The following PCDHA2 variants were observed in gnomAD, a reference collection of about 807,000 sequenced individuals.
The protein encoded by PCDHA2 is protocadherin alpha-2.
PCDHA2 carries 58 observed loss-of-function variants against 66.0 expected under a neutral mutation model. That is an observed-to-expected ratio of 0.88 (90% CI 0.71 to 1.09). The LOEUF (loss-of-function observed/expected upper bound fraction) is 1.09, where lower values mean the gene tolerates loss of function less well. Ranked by LOEUF, PCDHA2 falls within the 50% of genes least tolerant of loss-of-function variation. The pLI is 0.00. For synonymous variants in PCDHA2, 634 were observed against 554.0 expected, an observed-to-expected ratio of 1.14 and a Z score of -2.03; for missense variants, 1,267 against 1,242.3, an observed-to-expected ratio of 1.02 and a Z score of -0.30.
At chr5:140,801,617 GTT>G in intron 1 of PCDHA2, 1 of 1,614,148 alleles carries the variant, frequency 6.2e-7, no homozygotes, top group East Asian at 2.2e-5. Flanking sequence ...TAAAGAATCT[GTT>G]TATTTCCGAA....
intron 3 of PCDHA2, among the ~76,000 whole-genome samples, chr5:140,996,730 A>G (rs1271920339): frequency 2.6e-5 from 4 of 152,228 alleles, no homozygotes; most frequent in African/African-American, 9.6e-5. Context: ...AGAAGAAACA[A>G]AAGTCATAAC....
chr5:140,822,418 G>C, intron 1 of PCDHA2: 1 of 1,614,068 alleles, frequency 6.2e-7, no homozygotes, highest in South Asian at 1.1e-5. Flanking sequence ...GATTGCAACT[G>C]ATGGAGGAAA....
chr5:140,811,132 A>G (rs1235469619), intron 1 of PCDHA2: 6 of 152,110 alleles, frequency 3.9e-5, no homozygotes, highest in Admixed American at 3.3e-4. Context: ...TACATTAGGT[A>G]TTTCTCCTAA....
intron 1 of PCDHA2, chr5:140,808,431 G>A (rs1554124539): frequency 6.2e-7 from 1 of 1,614,140 alleles, no homozygotes; most frequent in South Asian, 1.1e-5. Flanking sequence ...GCCCTGGACC[G>A]CGAGAGCGTG....
chr5:140,855,635 T>G (rs1281474999), intron 1 of PCDHA2, among the ~76,000 whole-genome samples: 4 of 149,818 alleles, frequency 2.7e-5, no homozygotes, highest in African/African-American at 7.4e-5. Flanking sequence ...ATTCGGCTAT[T>G]GATAATCATG....
At chr5:140,986,458 A>G (rs1199378141) in intron 3 of PCDHA2, among the ~76,000 whole-genome samples, 1 of 152,166 alleles carries the variant, frequency 6.6e-6, no homozygotes, top group Admixed American at 6.5e-5. Flanking sequence ...GTTTTAATGA[A>G]TGCCCTCTTG....
chr5:140,871,309 C>G (rs1554165416), intron 1 of PCDHA2: 1 of 1,614,028 alleles, frequency 6.2e-7, no homozygotes. Flanking sequence ...GCCGGGGAAG[C>G]CCACGCTGGT....
chr5:140,843,136 G>T (rs1554139779), intron 1 of PCDHA2: 3 of 1,596,026 alleles, frequency 1.9e-6, no homozygotes, highest in Non-Finnish European at 2.6e-6. Context: ...GCTACAACGC[G>T]TGGCTTTCGT....
chr5:140,831,988 G>T (rs1771788982), intron 1 of PCDHA2, among the ~76,000 whole-genome samples: 1 of 152,168 alleles, frequency 6.6e-6, no homozygotes, highest in Admixed American at 6.6e-5. Flanking sequence ...TCTCATTACG[G>T]ATTCCATATT....
intron 1 of PCDHA2, among the ~76,000 whole-genome samples, chr5:140,975,611 A>C (rs191363875): frequency 7.0e-4 from 106 of 152,356 alleles, no homozygotes; most frequent in African/African-American, 2.4e-3. Flanking sequence ...GATGTCTTCC[A>C]CATGGATTTC....
intron 3 of PCDHA2, among the ~76,000 whole-genome samples, chr5:140,997,668 T>TTGTGTG (rs35184029): frequency 3.8e-4 from 56 of 148,342 alleles, no homozygotes; most frequent in African/African-American, 8.5e-4. Context: ...ATTATACAGC[T>TTGTGTG]TGTGTGTGTG....
At chr5:140,799,272 A>T (rs1719068455) in intron 1 of PCDHA2, among the ~76,000 whole-genome samples, 1 of 152,098 alleles carries the variant, frequency 6.6e-6, no homozygotes. Flanking sequence ...CTCTGCTATA[A>T]ATTCTCATGT....
intron 1 of PCDHA2, chr5:140,883,880 C>G: frequency 1.2e-6 from 2 of 1,613,304 alleles, no homozygotes; most frequent in Non-Finnish European, 1.7e-6. Context: ...GGTGAGCGCG[C>G]GCGACTCTGG....
chr5:140,819,792 T>C (rs2150105225), intron 1 of PCDHA2, among the ~76,000 whole-genome samples: 2 of 152,160 alleles, frequency 1.3e-5, no homozygotes, highest in South Asian at 4.1e-4. Flanking sequence ...ACATGAGATA[T>C]TTTTTCCAGA....
At chr5:140,883,634 G>C (rs782548505) in intron 1 of PCDHA2, 18 of 1,613,174 alleles carry the variant, frequency 1.1e-5, no homozygotes, top group African/African-American at 5.4e-5. Flanking sequence ...GCCGGCGTTC[G>C]CGCAGCCCGA....
In PCDHA2 at chr5:140,926,779, C is replaced by T. The variant is rs1262086128; in HGVS notation, c.2389-52170C>T. 8 of 1,398,696 alleles carry T rather than the reference C, an allele frequency of 5.7e-6. No individual in the cohort carries two copies. In the South Asian group the frequency reaches 1.2e-4, roughly 21 times the overall value. 86.6% of individuals were successfully genotyped at this position (1,398,696 alleles called of 1,614,324 possible). A position where few individuals can be genotyped will look rare whatever the true frequency, so the allele number is the denominator to read the frequency against. On this transcript the variant is annotated intron_variant, in intron 1 of 3. Transcript: ENST00000526136. ...CTGAGTATCCAGCCCGCAGCAGTGACGGCCGGCAGGAGCGTGCTCTTCCCC... is the reference window on the plus strand; with the variant it reads ...CTGAGTATCCAGCCCGCAGCAGTGATGGCCGGCAGGAGCGTGCTCTTCCCC...
At chr5:140,909,101 G>C (rs1242179195) in intron 1 of PCDHA2, among the ~76,000 whole-genome samples, 1 of 152,122 alleles carries the variant, frequency 6.6e-6, no homozygotes, top group Non-Finnish European at 1.5e-5. Flanking sequence ...CACTCACTGG[G>C]TCCAATCAGC....
intron 1 of PCDHA2, chr5:140,882,664 A>AT (rs782651285): frequency 6.2e-7 from 1 of 1,614,046 alleles, no homozygotes; most frequent in Admixed American, 1.7e-5. Flanking sequence ...ACCCGCCCAT[A>AT]TTCCCTGAAA....
At chr5:140,854,512 G>A (rs1265756710) in intron 1 of PCDHA2, 2 of 149,810 alleles carry the variant, frequency 1.3e-5, no homozygotes, top group Admixed American at 6.7e-5. Context: ...TAAACTGATG[G>A]ATTAAGTGAC....
Sources: allele counts gnomAD v4.1 joint callset (sites outside exome capture counted in the v4.1 genomes callset), GRCh38; gene constraint gnomAD v4.1.1; transcripts MANE v1.5; gene names NCBI Gene and HGNC (gene_info 2026-07-23, HGNC 2026-07-21).